The following TRAF3 variants were observed in gnomAD, a reference collection of about 807,000 sequenced individuals.
TRAF3 encodes the protein TNF receptor-associated factor 3.
Under a neutral mutation model 62.3 loss-of-function variants are expected in TRAF3, and 13 were observed. The observed-to-expected ratio is 0.21, with a 90% CI of 0.14 to 0.33. The LOEUF (loss-of-function observed/expected upper bound fraction) is 0.33, where lower values mean the gene tolerates loss of function less well. TRAF3 is among the 10% of genes least tolerant of loss of function. The probability of loss-of-function intolerance (pLI) is 1.00; values close to 1 mark genes in which losing one functional copy is unlikely to be tolerated. For synonymous variants in TRAF3, 269 were observed against 283.4 expected, an observed-to-expected ratio of 0.95 and a Z score of 0.51; for missense variants, 440 against 741.8, an observed-to-expected ratio of 0.59 and a Z score of 4.73.
intron 2 of TRAF3, among the ~76,000 whole-genome samples, chr14:102,864,517 G>A (rs770735983): frequency 4.6e-5 from 7 of 152,096 alleles, no homozygotes; most frequent in Non-Finnish European, 1.0e-4. Flanking sequence ...AGCCATTTTT[G>A]TGGACATGAT....
In TRAF3 at chr14:102,888,010, C is replaced by T. The variant is rs574212873; in HGVS notation, c.652-1550C>T. On this transcript the variant is annotated intron_variant, in intron 7 of 11. Transcript: ENST00000392745. ...TATTCCAGAGATCCTGTAGATTCCC[C>T]GAGACTCAGAATACTGATAATAAAA... is the stretch of plus-strand genomic sequence containing the variant. Among the ~76,000 whole-genome samples the T allele has an allele frequency of 3.2e-4, 48 of 152,184 alleles. 1 individual carries two copies. The South Asian group carries it at 8.7e-3, about 28-fold the overall frequency.
chr14:102,906,842 A>C lies in TRAF3; in HGVS notation c.*1058A>C, dbSNP rs1165704480. On this transcript the variant is annotated 3_prime_UTR_variant, in exon 12 of 12. Coordinates refer to ENST00000392745, the MANE Select transcript of TRAF3 (RefSeq NM_145725.3). ...TTTCTCCATCCCGTCATCTTGCTGC[A>C]TGCCGTCAACGGTCTCCGAAAGCAA... The C allele has an allele frequency of 6.6e-6, 1 of 152,210 alleles. No homozygotes were observed. Among genetic ancestry groups the C allele is most frequent in the East Asian group, 1.9e-4 (1 of 5,196 alleles). 9.4% of individuals were successfully genotyped at this position (152,210 alleles called of 1,614,324 possible).
chr14:102,787,643 C>T (rs1043207493), intron 1 of TRAF3, among the ~76,000 whole-genome samples: 2 of 151,882 alleles, frequency 1.3e-5, no homozygotes, highest in Admixed American at 6.6e-5. Context: ...GCCGAGATGG[C>T]GCTACTGCAC....
chr14:102,823,845 A>C (rs938067414), intron 1 of TRAF3, among the ~76,000 whole-genome samples: 1 of 151,926 alleles, frequency 6.6e-6, no homozygotes, highest in African/African-American at 2.4e-5. Flanking sequence ...TGGACATTCT[A>C]TGGAAATGCG....
chr14:102,876,592 G>A (rs1022860690), intron 6 of TRAF3, 67 bp downstream of exon 6: 176 of 1,572,594 alleles, frequency 1.1e-4, no homozygotes, highest in Admixed American at 5.2e-4. Context: ...CAGGCCTTCC[G>A]CTCAATTCGT....
At position 102,875,716 on chromosome 14, in the gene TRAF3, G is replaced by T. The variant is rs773497822; in HGVS notation, c.390G>T (p.Leu130=). ...GAGGTTGTGCAGAGCAGTTAATGCT[G>T]GGACATCTGCTGGTGAGTAGCAAAG... The part of the protein sequence containing the change: ...ESRGCAEQLM[L]GHLLVHLKND... Residue 130 remains leucine (L), a synonymous_variant, in exon 5 of 12, where the codon CTG becomes CTT. Coordinates refer to ENST00000392745, the MANE Select transcript of TRAF3 (RefSeq NM_145725.3). 2.5e-6 allele frequency: 4 copies of T among 1,613,840 alleles called. No homozygotes were observed. In the Admixed American group the frequency reaches 6.7e-5, roughly 27 times the overall value.
chr14:102,832,822 T>G (rs1885728117), intron 2 of TRAF3, among the ~76,000 whole-genome samples: 1 of 152,094 alleles, frequency 6.6e-6, no homozygotes, highest in Non-Finnish European at 1.5e-5. Context: ...TAGAACGGGT[T>G]TTTTTTTCGT....
rs1890731096 is a variant in TRAF3, at chr14:102,909,055, A to C, written c.*3271A>C. On this transcript the variant is annotated 3_prime_UTR_variant, in exon 12 of 12. Transcript: ENST00000392745. Reference sequence around the variant, plus strand: ...AGGCTGGGAGTAGGGCCTTTCTAGCAGGGTTGGGTGGCTCAGTGAGGGTGT... The same window carrying C: ...AGGCTGGGAGTAGGGCCTTTCTAGCCGGGTTGGGTGGCTCAGTGAGGGTGT... 1 of 152,460 alleles carries C rather than the reference A, an allele frequency of 6.6e-6. No individual in the cohort carries two copies. Among genetic ancestry groups the C allele is most frequent in the African/African-American group, 2.4e-5 (1 of 41,448 alleles). 9.4% of individuals were successfully genotyped at this position (152,460 alleles called of 1,614,324 possible). A position where few individuals can be genotyped will look rare whatever the true frequency, so the allele number is the denominator to read the frequency against.
chr14:102,822,149 A>G (rs1241650422), intron 1 of TRAF3, among the ~76,000 whole-genome samples: 1 of 152,260 alleles, frequency 6.6e-6, no homozygotes, highest in East Asian at 1.9e-4. Context: ...GGGATTAAAA[A>G]AACCTGAATG....
intron 6 of TRAF3, among the ~76,000 whole-genome samples, chr14:102,877,126 C>CT (rs1888721395): frequency 6.6e-6 from 1 of 150,382 alleles, no homozygotes. Context: ...CACAGGCCTT[C>CT]CCTCAACTCA....
At chr14:102,905,078 C>T in intron 11 of TRAF3, 135 bp from the exon 12 acceptor site, 1 of 921,266 alleles carries the variant, frequency 1.1e-6, no homozygotes, top group East Asian at 2.6e-5. Flanking sequence ...TGCCACTGCA[C>T]TCCAGTCTGG....
chr14:102,820,631 TTTTTTTTTTTTTTTG>T (rs1350769144), intron 1 of TRAF3, among the ~76,000 whole-genome samples: 1 of 87,382 alleles, frequency 1.1e-5, no homozygotes, highest in African/African-American at 5.1e-5. Context: ...TTTTTTTTTT[TTTTTTTTTTTTTTTG>T]ACAGGTTCTT....
intron 1 of TRAF3, among the ~76,000 whole-genome samples, chr14:102,784,215 CTTTTTTTTTTTTTTTTTT>C (rs76663820): frequency 8.5e-6 from 1 of 117,632 alleles, no homozygotes; most frequent in Non-Finnish European, 1.6e-5. Context: ...GATGCTTGGC[CTTTTTTTTTTTTTTTTTT>C]TTTTTTTTTG....
chr14:102,895,646 T>C (rs1394211897), intron 9 of TRAF3, among the ~76,000 whole-genome samples: 1 of 152,196 alleles, frequency 6.6e-6, no homozygotes, highest in Non-Finnish European at 1.5e-5. Context: ...GAGACACTCG[T>C]TAATAGATGG....
At chr14:102,824,280 C>G (rs1351160400) in intron 1 of TRAF3, among the ~76,000 whole-genome samples, 1 of 152,194 alleles carries the variant, frequency 6.6e-6, no homozygotes, top group Non-Finnish European at 1.5e-5. Context: ...CCCTCTGTTG[C>G]CTAGAGAAAC....
intron 1 of TRAF3, among the ~76,000 whole-genome samples, chr14:102,780,647 G>C (rs1320598808): frequency 1.3e-5 from 2 of 152,104 alleles, no homozygotes; most frequent in Non-Finnish European, 2.9e-5. Flanking sequence ...AATCAGGTTG[G>C]AATCGATGCT....
rs540563941 is a variant in TRAF3 at position 102,886,216 on chromosome 14, G to C, written c.598G>C (p.Val200Leu). Reference sequence around the variant, plus strand: ...ACACGAAGACACCGACTGTCCCTGCGTGGTGGTGTCCTGCCCTCACAAGTG... The same window carrying C: ...ACACGAAGACACCGACTGTCCCTGCCTGGTGGTGTCCTGCCCTCACAAGTG... The part of the protein sequence containing the change: ...QKHEDTDCPC[V>L]VVSCPHKCSV... The change falls in exon 7 of 12, where the codon GTG (valine) becomes CTG (leucine). Residue 200 changes from valine to leucine, a missense_variant. This residue lies in a region of TRAF3 where 255 missense variants were observed against 424.1 expected (regional missense o/e 0.60). Transcript: ENST00000392745. 1.2e-6 allele frequency: 2 copies of C among 1,613,160 alleles called. No individual in the cohort carries two copies. The highest frequency in any genetic ancestry group is 1.1e-5 in the South Asian group (1 of 91,046).
At chr14:102,905,181 C>A (rs1389897030) in intron 11 of TRAF3, 32 bp from the exon 12 acceptor site, 1 of 1,603,148 alleles carries the variant, frequency 6.2e-7, no homozygotes, top group Middle Eastern at 1.7e-4. Context: ...GTTCACCTGT[C>A]TCATTCACCA....
chr14:102,790,071 A>G (rs1897714931), intron 1 of TRAF3, among the ~76,000 whole-genome samples: 1 of 151,846 alleles, frequency 6.6e-6, no homozygotes, highest in African/African-American at 2.4e-5. Context: ...CAAGTGATCC[A>G]CCCACCTCAG....
Sources: gnomAD v4.1 joint callset for allele counts (sites outside exome capture counted in the v4.1 genomes callset) on GRCh38, gnomAD v4.1.1 for gene constraint, gnomAD v4.1.1 regional missense constraint, MANE v1.5 for transcripts, NCBI Gene and HGNC (gene_info 2026-07-23, HGNC 2026-07-21) for gene names.